Variants in TRMT11 observed in about 807,000 individuals in gnomAD.
The protein encoded by TRMT11 is tRNA methyltransferase 11.
Under a neutral mutation model 62.8 loss-of-function variants are expected in TRMT11, and 53 were observed. The ratio of observed to expected loss-of-function variants is 0.84; its 90% CI spans 0.68 to 1.06. The LOEUF is 1.06. Ranked by LOEUF, TRMT11 falls within the 50% of genes least tolerant of loss-of-function variation. The pLI, the probability that TRMT11 is intolerant of heterozygous loss-of-function variation, is 0.00. For missense variants in TRMT11, 556 were observed against 553.4 expected (o/e 1.00, Z -0.05); for synonymous variants, 188 against 190.3 (o/e 0.99, Z 0.10).
intron 21 of TRMT11, among the ~76,000 whole-genome samples, chr6:126,125,312 T>A (rs9388470): frequency 0.27 from 41,746 of 152,026 alleles, 6,150 homozygotes; most frequent in Middle Eastern, 0.43. Flanking sequence ...CATGTGCTTT[T>A]ACATTCCATG....
Position 126,149,720 on chromosome 6 carries a change from A to G in TRMT11, c.*1824-25105A>G, listed in dbSNP as rs114707700. On this transcript the variant is annotated intron_variant and NMD_transcript_variant, in intron 21 of 22. Coordinates refer to the TRMT11 transcript ENST00000648977. ...CCACTAAGGAGTGTTTGAAGAGGGT[A>G]TTGATTGCCTAACTGAGTTAAGGGG... Among the ~76,000 whole-genome samples, 472 of 141,312 alleles carry G rather than the reference A, an allele frequency of 3.3e-3. 7 individuals carry two copies. Among genetic ancestry groups the G allele is most frequent in the African/African-American group, 0.013 (445 of 34,976 alleles). The allele number at this position is 141,312 out of a possible 152,430, so 92.7% of individuals were successfully genotyped here. A position where few individuals can be genotyped will look rare whatever the true frequency, so the allele number is the denominator to read the frequency against.
At chr6:126,187,188 G>T (rs1420473877) in intron 1 of TRMT11, among the ~76,000 whole-genome samples, 1 of 151,804 alleles carries the variant, frequency 6.6e-6, no homozygotes, top group African/African-American at 2.4e-5. Flanking sequence ...ATTTGTAGAT[G>T]ATATGATCAT....
intron 17 of TRMT11, among the ~76,000 whole-genome samples, chr6:126,055,801 A>C (rs952025610): frequency 6.6e-6 from 1 of 152,188 alleles, no homozygotes; most frequent in South Asian, 2.1e-4. Context: ...ATAAAGTTCT[A>C]TAGTCCATTT....
At position 126,038,755 on chromosome 6, in the gene TRMT11, A is replaced by G. The variant is rs1288999889; in HGVS notation, c.1311A>G (p.Gln437=). The change falls in exon 13 of 13, where the codon CAA becomes CAG. Residue 437 remains glutamine, a synonymous_variant. Coordinates refer to ENST00000334379, the MANE Select transcript of TRMT11 (RefSeq NM_001031712.3). The part of the protein sequence containing the change: ...HLLSDHFLPY[Q]GHNSFREKYF... Reference sequence around the variant, plus strand: ...TAAGTGATCATTTTCTGCCATACCAAGGTCATAATTCCTTCCGTGAGAAAT... The same window carrying G: ...TAAGTGATCATTTTCTGCCATACCAGGGTCATAATTCCTTCCGTGAGAAAT... 1 of 1,603,194 alleles carries G rather than the reference A, an allele frequency of 6.2e-7. No individual in the cohort carries two copies. Among genetic ancestry groups the G allele is most frequent in the Admixed American group, 1.7e-5 (1 of 58,208 alleles).
At chr6:126,216,814 C>G in the TRMT11 span, among the ~76,000 whole-genome samples, 195 of 151,982 alleles carry the variant, frequency 1.3e-3, 4 homozygotes, top group Non-Finnish European at 2.1e-3. Flanking sequence ...TGTTCTTATC[C>G]CTCTCAATAA....
At chr6:126,075,407 T>A (rs1229908864) in intron 17 of TRMT11, among the ~76,000 whole-genome samples, 1 of 151,974 alleles carries the variant, frequency 6.6e-6, no homozygotes, top group Non-Finnish European at 1.5e-5. Flanking sequence ...GGGGACGGAT[T>A]TCCCCCTTGC....
intron 21 of TRMT11, among the ~76,000 whole-genome samples, chr6:126,117,400 G>A (rs947758307): frequency 1.3e-5 from 2 of 151,826 alleles, no homozygotes; most frequent in African/African-American, 4.8e-5. Context: ...GTTTCTCTGT[G>A]GGATCAACAT....
chr6:126,068,073 T>G (rs747126781), intron 17 of TRMT11, among the ~76,000 whole-genome samples: 1 of 152,172 alleles, frequency 6.6e-6, no homozygotes, highest in African/African-American at 2.4e-5. Context: ...GAGAACCTCT[T>G]CCCATGTGTA....
At chr6:126,014,667 G>A (rs1186978963) in intron 11 of TRMT11, among the ~76,000 whole-genome samples, 2 of 152,134 alleles carry the variant, frequency 1.3e-5, no homozygotes, top group Non-Finnish European at 2.9e-5. Flanking sequence ...TACAAATGCT[G>A]TATTTAAAAT....
chr6:126,124,380 A>G (rs770368036), intron 21 of TRMT11, among the ~76,000 whole-genome samples: 8 of 152,198 alleles, frequency 5.3e-5, no homozygotes, highest in Middle Eastern at 3.4e-3. Flanking sequence ...TCAGACTTTC[A>G]CTTAATTGCC....
downstream of TRMT11, among the ~76,000 whole-genome samples, chr6:126,044,040 C>A (rs993834461): frequency 2.4e-4 from 36 of 151,614 alleles, no homozygotes; most frequent in African/African-American, 8.4e-4. Flanking sequence ...TTTTGCTGTG[C>A]AGAAGCTCTT....
At chr6:125,989,578 G>C (rs1348877345) in intron 1 of TRMT11, among the ~76,000 whole-genome samples, 1 of 152,190 alleles carries the variant, frequency 6.6e-6, no homozygotes, top group Non-Finnish European at 1.5e-5. Flanking sequence ...TCAGGAGTGT[G>C]ACTGTGTAAA....
chr6:126,034,150 G>A (rs1360495469), intron 12 of TRMT11, among the ~76,000 whole-genome samples: 1 of 151,816 alleles, frequency 6.6e-6, no homozygotes, highest in Non-Finnish European at 1.5e-5. Context: ...GAATCACAAT[G>A]GGAAAAACAT....
At chr6:126,270,438 A>G in the TRMT11 span, among the ~76,000 whole-genome samples, 9 of 152,208 alleles carry the variant, frequency 5.9e-5, no homozygotes, top group Non-Finnish European at 1.2e-4. Context: ...AATGTAATAC[A>G]TAATCCTAGA....
downstream of TRMT11, among the ~76,000 whole-genome samples, chr6:126,204,170 T>C (rs1289228166): frequency 3.9e-5 from 6 of 152,248 alleles, no homozygotes; most frequent in Admixed American, 3.9e-4. Context: ...GTTATTTTCT[T>C]CCCATTACAG....
In TRMT11 at chr6:125,986,630, C is replaced by G; in HGVS notation, c.72+8C>G. The G allele has an allele frequency of 1.3e-6, 2 of 1,577,212 alleles. No individual in the cohort carries two copies. Among genetic ancestry groups the G allele is most frequent in the Non-Finnish European group, 1.7e-6 (2 of 1,162,958 alleles). On this transcript the variant is annotated splice_region_variant and intron_variant, in intron 1 of 12. Coordinates refer to ENST00000334379, the MANE Select transcript of TRMT11 (RefSeq NM_001031712.3). ...CTGGAGTTCCGCCTGCCGGTGAGTCCGTAGCGCCCTCCGGAACTTCCGACG... is the reference window on the plus strand; with the variant it reads ...CTGGAGTTCCGCCTGCCGGTGAGTCGGTAGCGCCCTCCGGAACTTCCGACG...
chr6:126,157,529 C>T (rs1015175478), intron 21 of TRMT11, among the ~76,000 whole-genome samples: 8 of 152,122 alleles, frequency 5.3e-5, no homozygotes, highest in Non-Finnish European at 1.2e-4. Context: ...TGCTCTTTTC[C>T]TGAGTCAATG....
downstream of TRMT11, among the ~76,000 whole-genome samples, chr6:126,206,139 G>A (rs1358425077): frequency 6.6e-6 from 1 of 152,152 alleles, no homozygotes; most frequent in Non-Finnish European, 1.5e-5. Flanking sequence ...CTTCGAAAAT[G>A]CTATTCTTGT....
intron 17 of TRMT11, among the ~76,000 whole-genome samples, chr6:126,077,972 T>C (rs1777067758): frequency 1.3e-5 from 2 of 152,172 alleles, no homozygotes; most frequent in African/African-American, 4.8e-5. Context: ...AGACACATCC[T>C]TAGTTTCAAG....
Sources: allele counts gnomAD v4.1 joint callset (sites outside exome capture counted in the v4.1 genomes callset), GRCh38; gene constraint gnomAD v4.1.1; transcripts MANE v1.5; gene names NCBI Gene and HGNC (gene_info 2026-07-23, HGNC 2026-07-21).